The following LFNG variants were observed in gnomAD, a reference collection of about 807,000 sequenced individuals.
LFNG encodes the protein LFNG O-fucosylpeptide 3-beta-N-acetylglucosaminyltransferase.
In LFNG, 15 loss-of-function variants were observed where a neutral mutation model predicts 32.7. The observed-to-expected ratio is 0.46, with a 90% confidence interval of 0.31 to 0.71. The LOEUF (loss-of-function observed/expected upper bound fraction) is 0.71. Ranked by LOEUF, LFNG falls within the 30% of genes least tolerant of loss-of-function variation. The pLI is 0.06. For missense variants in LFNG, 520 were observed against 545.7 expected (o/e 0.95, Z 0.47); for synonymous variants, 274 against 246.8 (o/e 1.11, Z -1.03).
intron 1 of LFNG, among the ~76,000 whole-genome samples, chr7:2,521,232 C>T (rs1036912445): frequency 2.0e-5 from 3 of 152,076 alleles, no homozygotes; most frequent in African/African-American, 7.2e-5. Flanking sequence ...CGGGGAGGGG[C>T]AGGGTCCTCC....
At chr7:2,525,804 C>A (rs749324091) in intron 5 of LFNG, 34 bp downstream of exon 5, 1 of 1,572,752 alleles carries the variant, frequency 6.4e-7, no homozygotes, top group South Asian at 1.1e-5. Flanking sequence ...CCAGCCCGGT[C>A]CCAGGCTCCT....
At chr7:2,521,804 T>C (rs1220158378) in intron 1 of LFNG, among the ~76,000 whole-genome samples, 1 of 152,146 alleles carries the variant, frequency 6.6e-6, no homozygotes, top group Non-Finnish European at 1.5e-5. Context: ...CTCTGATCTC[T>C]GAAATGGGGG....
At chr7:2,514,939 CATGT>C (rs1779585145), upstream of LFNG, among the ~76,000 whole-genome samples, 1 of 151,634 alleles carries the variant, frequency 6.6e-6, no homozygotes, top group African/African-American at 2.4e-5. Context: ...TCCATCCATC[CATGT>C]ATCTATCCAT....
intron 1 of LFNG, among the ~76,000 whole-genome samples, chr7:2,522,571 C>T (rs879608539): frequency 2.0e-5 from 3 of 151,442 alleles, no homozygotes; most frequent in African/African-American, 4.8e-5. Flanking sequence ...GGGTGTCCCC[C>T]GGCCCCCGCC....
At chr7:2,513,172 G>C (rs139214722), upstream of LFNG, 5,184 of 1,613,728 alleles carry the variant, frequency 3.2e-3, 137 homozygotes, top group African/African-American at 0.06. Flanking sequence ...AGCAGATCTG[G>C]GCATGGAGCA....
Position 2,519,837 on chromosome 7 carries a change from C to T in LFNG, c.-25C>T. 9.3e-7 allele frequency: 1 copy of T among 1,074,784 alleles called. No homozygotes were observed. The highest frequency in any genetic ancestry group is 1.1e-6 in the Non-Finnish European group (1 of 887,628). 66.6% of individuals were successfully genotyped at this position (1,074,784 alleles called of 1,614,324 possible). ...TGCAAGGCAGGCGCACGGGGAAGGGCGCGCCGCGCGGCCGCCACCCCACCA... is the reference window on the plus strand; with the variant it reads ...TGCAAGGCAGGCGCACGGGGAAGGGTGCGCCGCGCGGCCGCCACCCCACCA... On this transcript the variant is annotated 5_prime_UTR_variant, in exon 1 of 8. Transcript: ENST00000222725.
chr7:2,524,847 C>A, intron 2 of LFNG, 104 bp downstream of exon 2: 1 of 1,110,856 alleles, frequency 9.0e-7, no homozygotes, highest in Non-Finnish European at 1.3e-6. Flanking sequence ...TCACCAAGGG[C>A]AGGACAGGGA....
rs1780028927 is a variant in LFNG, at chr7:2,527,498, T to C, written c.*286T>C. On this transcript the variant is annotated 3_prime_UTR_variant, in exon 8 of 8. Coordinates refer to ENST00000222725, the MANE Select transcript of LFNG (RefSeq NM_001040167.2). This position sits in a 1 kb window ranked among gnomAD's most constrained non-coding sequence, Gnocchi z 4.4. ...GAAGGATTTGTGTGTCGGAGGCCAC[T>C]CCGAGGGCAATTCTGTTAGGATTTT... 1 of 1,370,938 alleles carries C rather than the reference T, an allele frequency of 7.3e-7. No individual in the cohort carries two copies. Among genetic ancestry groups the C allele is most frequent in the Non-Finnish European group, 9.5e-7 (1 of 1,057,694 alleles). 84.9% of individuals were successfully genotyped at this position (1,370,938 alleles called of 1,614,324 possible). A position where few individuals can be genotyped will look rare whatever the true frequency, so the allele number is the denominator to read the frequency against.
At position 2,526,061 on chromosome 7, in the gene LFNG, C is replaced by T. The variant is rs1278044721; in HGVS notation, c.822-183C>T. Among the ~76,000 whole-genome samples, 4 of 152,128 alleles carry T rather than the reference C, an allele frequency of 2.6e-5. No homozygotes were observed. Among genetic ancestry groups the T allele is most frequent in the Non-Finnish European group, 4.4e-5 (3 of 67,988 alleles). On this transcript the variant is annotated intron_variant, in intron 5 of 7. Transcript: ENST00000222725. The surrounding 1 kb of genome is among the most constrained non-coding windows in gnomAD (Gnocchi z 6.9). Reference sequence around the variant, plus strand: ...TCCCTCCACAGAGAGCCACGGAGCACAGGAGCTGTGCAGGGAGTGTGCCCT... The same window carrying T: ...TCCCTCCACAGAGAGCCACGGAGCATAGGAGCTGTGCAGGGAGTGTGCCCT...
upstream of LFNG, chr7:2,518,025 G>A (rs1032127828): frequency 7.4e-6 from 5 of 678,620 alleles, no homozygotes; most frequent in South Asian, 1.1e-4. Flanking sequence ...ATGAGGCTCC[G>A]TCTCTGAAAC....
At chr7:2,529,001 C>T (rs562799406), downstream of LFNG, 21 of 480,622 alleles carry the variant, frequency 4.4e-5, no homozygotes, top group South Asian at 5.4e-4. This position sits in a 1 kb window ranked among gnomAD's most constrained non-coding sequence, Gnocchi z 4.2. Context: ...GGTAATGCTG[C>T]ACCTCCCTCT....
chr7:2,518,588 T>C (rs779661620), upstream of LFNG: 4 of 1,608,576 alleles, frequency 2.5e-6, no homozygotes, highest in Admixed American at 5.0e-5. Flanking sequence ...GCGGCTGACA[T>C]TCAGGTAGAG....
upstream of LFNG, chr7:2,519,772 C>T (rs1460275333): frequency 5.5e-5 from 42 of 766,408 alleles, no homozygotes; most frequent in Non-Finnish European, 6.4e-5. Context: ...TGGTGCTGCG[C>T]TGCTGGACTG....
chr7:2,514,208 C>T (rs1412351982), upstream of LFNG, among the ~76,000 whole-genome samples: 2 of 152,254 alleles, frequency 1.3e-5, no homozygotes, highest in Non-Finnish European at 2.9e-5. Context: ...GTCTTCTCAC[C>T]CTGAGACCTA....
chr7:2,528,149 A>T lies in LFNG; in HGVS notation c.*937A>T, dbSNP rs1780052547. 1.0e-6 allele frequency: 1 copy of T among 985,446 alleles called. No individual in the cohort carries two copies. Among genetic ancestry groups the T allele is most frequent in the African/African-American group, 1.8e-5 (1 of 57,132 alleles). 61.0% of individuals were successfully genotyped at this position (985,446 alleles called of 1,614,324 possible). A position where few individuals can be genotyped will look rare whatever the true frequency, so the allele number is the denominator to read the frequency against. On this transcript the variant is annotated 3_prime_UTR_variant, in exon 8 of 8. Coordinates refer to ENST00000222725, the MANE Select transcript of LFNG (RefSeq NM_001040167.2). ...AAAAACAGAAGCCAAACTCGGGGTCATCTTTGTTTTTAAAGCTGAAGTGGG... is the reference window on the plus strand; with the variant it reads ...AAAAACAGAAGCCAAACTCGGGGTCTTCTTTGTTTTTAAAGCTGAAGTGGG...
intron 1 of LFNG, among the ~76,000 whole-genome samples, chr7:2,523,169 G>T (rs915896776): frequency 6.6e-6 from 1 of 152,242 alleles, no homozygotes; most frequent in Admixed American, 6.5e-5. Flanking sequence ...ACCCAGCGGC[G>T]CAGTGGAGCG....
downstream of LFNG, chr7:2,529,105 TCC>T: frequency 2.6e-6 from 1 of 384,424 alleles, no homozygotes; most frequent in East Asian, 3.8e-5. This position sits in a 1 kb window ranked among gnomAD's most constrained non-coding sequence, Gnocchi z 4.2. Context: ...CTGCAGCTGG[TCC>T]CAGCCCCTGC....
intron 1 of LFNG, among the ~76,000 whole-genome samples, chr7:2,522,606 T>A (rs946266934): frequency 6.8e-6 from 1 of 146,818 alleles, no homozygotes; most frequent in African/African-American, 2.4e-5. Context: ...TCCACCCGGC[T>A]CTTCCTCCTG....
chr7:2,519,161 A>T (rs965260699), upstream of LFNG, among the ~76,000 whole-genome samples: 1 of 151,930 alleles, frequency 6.6e-6, no homozygotes, highest in Non-Finnish European at 1.5e-5. Flanking sequence ...AAGGAGTGGA[A>T]TTTGGTTCTG....
Sources: allele counts gnomAD v4.1 joint callset (sites outside exome capture counted in the v4.1 genomes callset), GRCh38; gene constraint gnomAD v4.1.1; non-coding constraint Gnocchi (gnomAD v3.1); transcripts MANE v1.5; gene names NCBI Gene and HGNC (gene_info 2026-07-23, HGNC 2026-07-21).